YIPF4: variants seen among roughly 807,000 people sequenced by gnomAD.
YIPF4 encodes protein YIPF4.
A neutral mutation model predicts 29.4 loss-of-function variants in YIPF4; 18 were observed. The observed-to-expected ratio is 0.61, with a 90% CI of 0.42 to 0.91. YIPF4 has a LOEUF of 0.91. Among genes scored for constraint, YIPF4 ranks in the 40% least tolerant of loss-of-function variants. The pLI, the probability that YIPF4 is intolerant of heterozygous loss-of-function variation, is 0.00. For synonymous variants in YIPF4, 115 were observed against 104.7 expected, an observed-to-expected ratio of 1.10 and a Z score of -0.60; for missense variants, 279 against 282.7, an observed-to-expected ratio of 0.99 and a Z score of 0.09.
In YIPF4 at chr2:32,311,991, T is replaced by A. The variant is rs1296393966; in HGVS notation, c.*6365T>A. Reference sequence around the variant, plus strand: ...TGGAATTAGTTCTCCATGTAAAGTATCTTTTTAATAGTAAGCACCATTTAA... The same window carrying A: ...TGGAATTAGTTCTCCATGTAAAGTAACTTTTTAATAGTAAGCACCATTTAA... On this transcript the variant is annotated 3_prime_UTR_variant, in exon 6 of 6. Transcript: ENST00000238831. The A allele has an allele frequency of 6.6e-6, 1 of 152,228 alleles. No individual in the cohort carries two copies. Among genetic ancestry groups the A allele is most frequent in the African/African-American group, 2.4e-5 (1 of 41,462 alleles). 9.4% of individuals were successfully genotyped at this position (152,228 alleles called of 1,614,324 possible).
At chr2:32,292,118 G>T in intron 2 of YIPF4, 59 bp from the exon 3 acceptor site, 2 of 1,169,812 alleles carry the variant, frequency 1.7e-6, no homozygotes, top group South Asian at 2.5e-5. Flanking sequence ...TTTTTTTTTG[G>T]AATTGTTTTA....
chr2:32,313,369 G>A lies in YIPF4; in HGVS notation c.*7743G>A, dbSNP rs2031756249. ...TGACATTCTAGGCCATTCTTTCTTT[G>A]TCAGAGCTTTTTTGTTGAGATGGAG... On this transcript the variant is annotated 3_prime_UTR_variant, in exon 6 of 6. Transcript: ENST00000238831. The A allele has an allele frequency of 6.6e-6, 1 of 152,148 alleles. No homozygotes were observed. Among genetic ancestry groups the A allele is most frequent in the Admixed American group, 6.5e-5 (1 of 15,274 alleles). 9.4% of individuals were successfully genotyped at this position (152,148 alleles called of 1,614,324 possible).
chr2:32,297,347 C>G (rs1270193586), intron 3 of YIPF4, among the ~76,000 whole-genome samples: 1 of 151,918 alleles, frequency 6.6e-6, no homozygotes, highest in East Asian at 1.9e-4. Context: ...TCTTGAACTC[C>G]CGACCTCAGG....
chr2:32,281,263 C>CA (rs1290898249), intron 1 of YIPF4, among the ~76,000 whole-genome samples: 1 of 148,682 alleles, frequency 6.7e-6, no homozygotes, highest in African/African-American at 2.5e-5. Flanking sequence ...TTTTTTGAGA[C>CA]AGAGTTTCAC....
chr2:32,311,376 A>C lies in YIPF4; in HGVS notation c.*5750A>C, dbSNP rs141305174. On this transcript the variant is annotated 3_prime_UTR_variant, in exon 6 of 6. Coordinates refer to ENST00000238831, the MANE Select transcript of YIPF4 (RefSeq NM_032312.4). ...AATTCTTTTGATATGCTGAGGTTAC[A>C]GTTTGGAGGTTACATTAGAGAAAGA... 110 of 152,306 alleles carry C rather than the reference A, an allele frequency of 7.2e-4. No homozygotes were observed. Among genetic ancestry groups the C allele is most frequent in the African/African-American group, 2.5e-3 (103 of 41,570 alleles). The allele number at this position is 152,306 out of a possible 1,614,324, so 9.4% of individuals were successfully genotyped here. A position where few individuals can be genotyped will look rare whatever the true frequency, so the allele number is the denominator to read the frequency against.
rs2031778315 is a variant in YIPF4, at chr2:32,314,331, G to A, written c.*8705G>A. On this transcript the variant is annotated 3_prime_UTR_variant, in exon 6 of 6. Transcript: ENST00000238831. ...GAAGTTCAAACACAGGCAAAATTAA[G>A]CTATAGTGTTTAGGGATGCATACTG... 6.6e-6 allele frequency: 1 copy of A among 152,176 alleles called. No homozygotes were observed. Among genetic ancestry groups the A allele is most frequent in the Non-Finnish European group, 1.5e-5 (1 of 68,038 alleles). The allele number at this position is 152,176 out of a possible 1,614,324, so 9.4% of individuals were successfully genotyped here.
intron 3 of YIPF4, among the ~76,000 whole-genome samples, chr2:32,293,975 G>A (rs1340102796): frequency 6.8e-6 from 1 of 147,634 alleles, no homozygotes. Context: ...GGACGGGGCG[G>A]CTGGCTGGGC....
chr2:32,293,298 GA>G (rs2031002692), intron 3 of YIPF4, among the ~76,000 whole-genome samples: 2 of 152,058 alleles, frequency 1.3e-5, no homozygotes, highest in African/African-American at 4.8e-5. Flanking sequence ...GACTCTTAAC[GA>G]GCATGCTGCC....
intron 3 of YIPF4, among the ~76,000 whole-genome samples, chr2:32,293,375 C>T (rs1376060108): frequency 1.3e-5 from 2 of 152,304 alleles, no homozygotes; most frequent in East Asian, 1.9e-4. Flanking sequence ...TGAGTGGACA[C>T]AGCACATGTT....
intron 4 of YIPF4, among the ~76,000 whole-genome samples, chr2:32,300,191 G>A (rs1002611572): frequency 1.3e-5 from 2 of 152,132 alleles, no homozygotes; most frequent in South Asian, 4.1e-4. Context: ...TCTTGAACCC[G>A]GGAGGCGGAG....
At chr2:32,295,783 A>G (rs1315578029) in intron 3 of YIPF4, among the ~76,000 whole-genome samples, 1 of 152,052 alleles carries the variant, frequency 6.6e-6, no homozygotes, top group Non-Finnish European at 1.5e-5. Flanking sequence ...TTGTATTTTT[A>G]GTAGAGAGGG....
Position 32,314,967 on chromosome 2 carries a change from CAA to C in YIPF4, c.*9345_*9346del, listed in dbSNP as rs1437584119. On this transcript the variant is annotated 3_prime_UTR_variant, in exon 6 of 6. Coordinates refer to ENST00000238831, the MANE Select transcript of YIPF4 (RefSeq NM_032312.4). ...TAGGAACATATTTGGTTGCAAGAAA[CAA>C]AAATTCCTGTGATTACTAGCTTCAC... 1 of 152,038 alleles carries C rather than the reference CAA, an allele frequency of 6.6e-6. No homozygotes were observed. Among genetic ancestry groups the C allele is most frequent in the African/African-American group, 2.4e-5 (1 of 41,412 alleles). 9.4% of individuals were successfully genotyped at this position (152,038 alleles called of 1,614,324 possible).
At chr2:32,286,496 C>A in intron 1 of YIPF4, among the ~76,000 whole-genome samples, 1 of 152,002 alleles carries the variant, frequency 6.6e-6, no homozygotes, top group East Asian at 1.9e-4. Flanking sequence ...TAAACCAGAA[C>A]AACATGATTA....
chr2:32,281,894 CAAA>C (rs58882814), intron 1 of YIPF4, among the ~76,000 whole-genome samples: 27 of 53,426 alleles, frequency 5.1e-4, no homozygotes, highest in Non-Finnish European at 9.0e-4. Context: ...GACTCTGTCT[CAAA>C]AAAAAAAAAA....
rs181504058 is a variant in YIPF4, at chr2:32,316,199, A to G, written c.*10573A>G. 1.1e-3 allele frequency: 174 copies of G among 152,306 alleles called. No homozygotes were observed. The highest frequency in any genetic ancestry group is 4.0e-3 in the African/African-American group (167 of 41,572). 9.4% of individuals were successfully genotyped at this position (152,306 alleles called of 1,614,324 possible). ...ATGTAGACAAAGGACTAATTTTCTT[A>G]ATAAAAACATTTATCAGTAAATTTA... is the stretch of plus-strand genomic sequence containing the variant. On this transcript the variant is annotated 3_prime_UTR_variant, in exon 6 of 6. Coordinates refer to ENST00000238831, the MANE Select transcript of YIPF4 (RefSeq NM_032312.4).
intron 3 of YIPF4, among the ~76,000 whole-genome samples, chr2:32,293,991 G>C (rs1483814838): frequency 1.3e-4 from 19 of 144,358 alleles, no homozygotes; most frequent in Admixed American, 1.2e-3. Context: ...TGGGCAGGGG[G>C]CTGATCCCCC....
chr2:32,282,087 C>G (rs1388502858), intron 1 of YIPF4, among the ~76,000 whole-genome samples: 1 of 151,042 alleles, frequency 6.6e-6, no homozygotes, highest in Non-Finnish European at 1.5e-5. Context: ...AAAAAAGAAA[C>G]TGAGGCTTAG....
intron 1 of YIPF4, among the ~76,000 whole-genome samples, chr2:32,278,628 T>A (rs970623847): frequency 2.0e-5 from 3 of 152,166 alleles, no homozygotes; most frequent in Non-Finnish European, 2.9e-5. Context: ...GAGGGCTGTT[T>A]TCTTCTGTTA....
At chr2:32,280,379 G>C (rs964386730) in intron 1 of YIPF4, among the ~76,000 whole-genome samples, 48 of 139,582 alleles carry the variant, frequency 3.4e-4, no homozygotes, top group Non-Finnish European at 6.3e-4. Context: ...ATCCGCCCAG[G>C]CTAATTTTTT....
Sources: allele counts gnomAD v4.1 joint callset (sites outside exome capture counted in the v4.1 genomes callset), GRCh38; gene constraint gnomAD v4.1.1; transcripts MANE v1.5; gene names NCBI Gene and HGNC (gene_info 2026-07-23, HGNC 2026-07-21).